Variants in GNB4 observed in about 807,000 individuals in gnomAD.
GNB4 encodes the protein guanine nucleotide-binding protein subunit beta-4.
In GNB4, 28 loss-of-function variants were observed where a neutral mutation model predicts 45.2. The observed-to-expected ratio is 0.62, with a 90% CI of 0.46 to 0.85. The LOEUF (loss-of-function observed/expected upper bound fraction) is 0.85, where lower values mean the gene tolerates loss of function less well. GNB4 is among the 40% of genes least tolerant of loss of function. The pLI is 0.00. For synonymous variants in GNB4, 132 were observed against 143.7 expected, an observed-to-expected ratio of 0.92 and a Z score of 0.58; for missense variants, 321 against 425.4, an observed-to-expected ratio of 0.75 and a Z score of 2.16.
At chr3:179,457,067 G>C in the GNB4 span, among the ~76,000 whole-genome samples, 1 of 152,126 alleles carries the variant, frequency 6.6e-6, no homozygotes, top group Non-Finnish European at 1.5e-5. Flanking sequence ...ATGTTTATTT[G>C]TTGGTAGAAA....
chr3:179,523,292 G>T, the GNB4 span, among the ~76,000 whole-genome samples: 3 of 152,164 alleles, frequency 2.0e-5, no homozygotes, highest in South Asian at 6.2e-4. Flanking sequence ...AAGCCTTGCG[G>T]CAGTACAGCC....
In GNB4 at chr3:179,402,881, C is replaced by T. The variant is rs139912896; in HGVS notation, c.917-1562G>A. On this transcript the variant is annotated intron_variant, in intron 9 of 9. Coordinates refer to ENST00000232564, the MANE Select transcript of GNB4 (RefSeq NM_021629.4). ...ACTCTGCAGTCAGGTGACAGATCAT[C>T]CTGCGCTGTGGCGTAAGGCCAGAGA... Among the ~76,000 whole-genome samples, 1,230 of 152,274 alleles carry T rather than the reference C, an allele frequency of 8.1e-3. 21 individuals are homozygous for T. Among genetic ancestry groups the T allele is most frequent in the African/African-American group, 0.028 (1,177 of 41,538 alleles).
Position 179,401,134 on chromosome 3 carries a change from G to T in GNB4, c.*79C>A. Reference sequence around the variant, plus strand: ...AAAAATCTTCACCTGCAAATATAAGGTAGAATTTTTTCACAGCTATAGGCT... The same window carrying T: ...AAAAATCTTCACCTGCAAATATAAGTTAGAATTTTTTCACAGCTATAGGCT... On this transcript the variant is annotated 3_prime_UTR_variant, in exon 10 of 10. Transcript: ENST00000232564. 1.2e-6 allele frequency: 1 copy of T among 840,236 alleles called. No individual in the cohort carries two copies. The highest frequency in any genetic ancestry group is 1.7e-6 in the Non-Finnish European group (1 of 578,354). The allele number at this position is 840,236 out of a possible 1,614,324, so 52.0% of individuals were successfully genotyped here. A position where few individuals can be genotyped will look rare whatever the true frequency, so the allele number is the denominator to read the frequency against.
At chr3:179,515,337 C>T in the GNB4 span, among the ~76,000 whole-genome samples, 14 of 152,370 alleles carry the variant, frequency 9.2e-5, no homozygotes, top group South Asian at 2.9e-3. Flanking sequence ...AGACCACCAA[C>T]AGGCTTTGTG....
intron 2 of GNB4, 61 bp from the exon 3 acceptor site, chr3:179,420,988 C>T: frequency 3.2e-6 from 3 of 928,082 alleles, no homozygotes; most frequent in South Asian, 2.9e-5. Flanking sequence ...TAAAGTGATA[C>T]TTTTATTGAA....
chr3:179,427,874 T>G (rs1715191786), intron 1 of GNB4, among the ~76,000 whole-genome samples: 1 of 152,188 alleles, frequency 6.6e-6, no homozygotes, highest in Non-Finnish European at 1.5e-5. Flanking sequence ...TCTTTTCTCT[T>G]CTTATCTTCC....
At chr3:179,430,427 C>T (rs1360516200) in intron 1 of GNB4, among the ~76,000 whole-genome samples, 1 of 151,802 alleles carries the variant, frequency 6.6e-6, no homozygotes, top group Non-Finnish European at 1.5e-5. Flanking sequence ...GACTTCTTTC[C>T]TGTTTGGGCC....
chr3:179,520,499 A>T, the GNB4 span, among the ~76,000 whole-genome samples: 1 of 152,108 alleles, frequency 6.6e-6, no homozygotes, highest in Non-Finnish European at 1.5e-5. Context: ...CCCTCACGTC[A>T]GTGTGCGGTG....
At chr3:179,503,273 T>C in the GNB4 span, among the ~76,000 whole-genome samples, 1 of 152,200 alleles carries the variant, frequency 6.6e-6, no homozygotes, top group South Asian at 2.1e-4. Context: ...TTCTGAAACT[T>C]ACTTTGAAGT....
At chr3:179,467,962 CCAAATGTATAATGAAA>C in the GNB4 span, among the ~76,000 whole-genome samples, 1 of 147,322 alleles carries the variant, frequency 6.8e-6, no homozygotes, top group Admixed American at 6.9e-5. Context: ...AAGGACCCAC[CCAAATGTATAATGAAA>C]TGTGATTCCA....
chr3:179,507,873 G>A, the GNB4 span, among the ~76,000 whole-genome samples: 1 of 152,174 alleles, frequency 6.6e-6, no homozygotes, highest in African/African-American at 2.4e-5. Flanking sequence ...TTCATCATAT[G>A]ATTGGCACAT....
chr3:179,490,589 C>T, the GNB4 span, among the ~76,000 whole-genome samples: 1 of 152,142 alleles, frequency 6.6e-6, no homozygotes, highest in Non-Finnish European at 1.5e-5. Flanking sequence ...ACCTGGAGGG[C>T]TACTGGTATA....
the GNB4 span, among the ~76,000 whole-genome samples, chr3:179,510,247 A>G: frequency 2.0e-5 from 3 of 151,952 alleles, no homozygotes; most frequent in South Asian, 6.2e-4. Flanking sequence ...TGCCCAGCTC[A>G]CTCATTTCTA....
In GNB4 at chr3:179,419,342, C is replaced by T. The variant is rs902769715; in HGVS notation, c.203+57G>A. 1.4e-5 allele frequency: 15 copies of T among 1,067,230 alleles called. No individual in the cohort carries two copies. The African/African-American group carries it at 1.7e-4, about 12-fold the overall frequency. The allele number at this position is 1,067,230 out of a possible 1,614,324, so 66.1% of individuals were successfully genotyped here. A position where few individuals can be genotyped will look rare whatever the true frequency, so the allele number is the denominator to read the frequency against. On this transcript the variant is annotated intron_variant, in intron 4 of 9. Coordinates refer to ENST00000232564, the MANE Select transcript of GNB4 (RefSeq NM_021629.4). ...AACAAAGAAAATGCAAATGATGGTT[C>T]TTAATGAAAATAATTCTGCAACAGT...
At chr3:179,464,439 G>T in the GNB4 span, 1 of 1,553,384 alleles carries the variant, frequency 6.4e-7, no homozygotes, top group South Asian at 1.1e-5. Context: ...CCACCTCACG[G>T]CAGTTACAGA....
chr3:179,517,053 T>G, the GNB4 span, among the ~76,000 whole-genome samples: 1 of 152,188 alleles, frequency 6.6e-6, no homozygotes, highest in Non-Finnish European at 1.5e-5. Flanking sequence ...AGCATGGTGG[T>G]GCAGGATATG....
the GNB4 span, among the ~76,000 whole-genome samples, chr3:179,484,852 G>C: frequency 6.6e-6 from 1 of 151,688 alleles, no homozygotes; most frequent in Non-Finnish European, 1.5e-5. Context: ...GTGTGTGTGT[G>C]TGTGTGTGTG....
the GNB4 span, among the ~76,000 whole-genome samples, chr3:179,489,037 TA>T: frequency 3.0e-3 from 227 of 75,614 alleles, 19 homozygotes; most frequent in African/African-American, 0.013. Flanking sequence ...TATATATATA[TA>T]TATATATAAT....
At chr3:179,466,237 C>A in the GNB4 span, among the ~76,000 whole-genome samples, 4 of 152,038 alleles carry the variant, frequency 2.6e-5, no homozygotes, top group Non-Finnish European at 4.4e-5. Context: ...TCTCAAACTC[C>A]TAACCTCAAG....
Sources: gnomAD v4.1 joint callset for allele counts (sites outside exome capture counted in the v4.1 genomes callset) on GRCh38, gnomAD v4.1.1 for gene constraint, MANE v1.5 for transcripts, NCBI Gene and HGNC (gene_info 2026-07-23, HGNC 2026-07-21) for gene names.